DOCK4: variants seen among roughly 807,000 people sequenced by gnomAD.
DOCK4 encodes the protein dedicator of cytokinesis 4.
A neutral mutation model predicts 268.1 loss-of-function variants in DOCK4; 97 were observed. That is an observed-to-expected ratio of 0.36 (90% CI 0.31 to 0.43). DOCK4 has a LOEUF of 0.43. Ranked by LOEUF, DOCK4 falls within the 20% of genes least tolerant of loss-of-function variation. The probability of loss-of-function intolerance (pLI) is 1.00; values close to 1 mark genes in which losing one functional copy is unlikely to be tolerated. For synonymous variants in DOCK4, 954 were observed against 887.2 expected (o/e 1.08, Z -1.34); for missense variants, 2,145 against 2,455.7 (o/e 0.87, Z 2.67).
chr7:112,082,699 C>T (rs1009955125), intron 1 of DOCK4, among the ~76,000 whole-genome samples: 2 of 151,944 alleles, frequency 1.3e-5, no homozygotes, highest in African/African-American at 2.4e-5. Context: ...TTACACTTAA[C>T]GATTTAAGGC....
In DOCK4 at chr7:111,727,566, A is replaced by T. The variant is rs897418064; in HGVS notation, c.*708T>A. On this transcript the variant is annotated 3_prime_UTR_variant, in exon 53 of 53. Coordinates refer to ENST00000428084, the MANE Select transcript of DOCK4 (RefSeq NM_001363540.2). ...TGGAGCCTCTTGCTTAATCTAGCTGATTGGAACTCTGAAGCAAATTGCACC... is the reference window on the plus strand; with the variant it reads ...TGGAGCCTCTTGCTTAATCTAGCTGTTTGGAACTCTGAAGCAAATTGCACC... 1 of 152,620 alleles carries T rather than the reference A, an allele frequency of 6.6e-6. No homozygotes were observed. Among genetic ancestry groups the T allele is most frequent in the African/African-American group, 2.4e-5 (1 of 41,446 alleles). The allele number at this position is 152,620 out of a possible 1,614,324, so 9.5% of individuals were successfully genotyped here. A position where few individuals can be genotyped will look rare whatever the true frequency, so the allele number is the denominator to read the frequency against.
At chr7:112,107,335 A>G (rs1056299260) in intron 1 of DOCK4, among the ~76,000 whole-genome samples, 2 of 152,200 alleles carry the variant, frequency 1.3e-5, no homozygotes, top group African/African-American at 4.8e-5. Flanking sequence ...GGTCACATGG[A>G]TGGCATGCCC....
chr7:111,854,118 G>A (rs1804812135), intron 23 of DOCK4, among the ~76,000 whole-genome samples: 2 of 151,872 alleles, frequency 1.3e-5, no homozygotes, highest in Admixed American at 1.3e-4. Context: ...TTTAGTAAGG[G>A]AGGAGACCAC....
intron 23 of DOCK4, among the ~76,000 whole-genome samples, chr7:111,859,562 A>ATTTTTTTTTTTTT (rs140285833): frequency 9.8e-6 from 1 of 102,178 alleles, no homozygotes. Context: ...GTGTGTGTTA[A>ATTTTTTTTTTTTT]TTTTTTTTTT....
chr7:112,096,382 T>C lies in DOCK4; in HGVS notation c.38-92251A>G, dbSNP rs117080705. ...CTTTTTGGTAGATGTGGGGTTTCAC[T>C]TTGTTGCACAGGCTGGTCTCCAACT... On this transcript the variant is annotated intron_variant, in intron 1 of 52. Transcript: ENST00000428084. Among the ~76,000 whole-genome samples the C allele has an allele frequency of 2.7e-3, 418 of 152,198 alleles. 3 individuals are homozygous for C. The highest frequency in any genetic ancestry group is 6.8e-3 in the Middle Eastern group (2 of 294).
chr7:112,120,128 T>C (rs1482659625), intron 1 of DOCK4, among the ~76,000 whole-genome samples: 2 of 152,186 alleles, frequency 1.3e-5, no homozygotes, highest in Non-Finnish European at 2.9e-5. Flanking sequence ...ATTACAAGAT[T>C]GCTCTTTTTA....
intron 1 of DOCK4, among the ~76,000 whole-genome samples, chr7:112,203,899 C>T (rs1026028113): frequency 3.3e-5 from 5 of 151,572 alleles, no homozygotes; most frequent in African/African-American, 1.2e-4. Flanking sequence ...AACAGCTAAG[C>T]ATTCCACAAT....
intron 25 of DOCK4, among the ~76,000 whole-genome samples, chr7:111,843,542 T>A (rs183014767): frequency 2.3e-4 from 35 of 152,276 alleles, no homozygotes; most frequent in Admixed American, 1.6e-3. Flanking sequence ...GCTATCAGAA[T>A]GCTCTCCACT....
chr7:112,115,613 C>G (rs552340525), intron 1 of DOCK4, among the ~76,000 whole-genome samples: 1 of 149,984 alleles, frequency 6.7e-6, no homozygotes, highest in Non-Finnish European at 1.5e-5. Context: ...CCAACATATG[C>G]CATCTATCAA....
chr7:112,131,059 A>G (rs1172174535), intron 1 of DOCK4, among the ~76,000 whole-genome samples: 1 of 152,226 alleles, frequency 6.6e-6, no homozygotes, highest in Non-Finnish European at 1.5e-5. Flanking sequence ...CGTGACATAA[A>G]GGAAATGGCC....
intron 1 of DOCK4, among the ~76,000 whole-genome samples, chr7:112,039,621 T>A (rs1284582498): frequency 6.6e-6 from 1 of 152,114 alleles, no homozygotes; most frequent in African/African-American, 2.4e-5. Context: ...TACCTAGGTA[T>A]ATGGGCTAGA....
intron 26 of DOCK4, 104 bp downstream of exon 26, chr7:111,834,484 G>C: frequency 2.2e-6 from 2 of 893,070 alleles, no homozygotes; most frequent in Non-Finnish European, 3.4e-6. Context: ...GAACTTAATG[G>C]AAACAGGTAA....
At chr7:112,056,123 G>A (rs754264183) in intron 1 of DOCK4, among the ~76,000 whole-genome samples, 23 of 152,072 alleles carry the variant, frequency 1.5e-4, no homozygotes, top group African/African-American at 4.3e-4. Flanking sequence ...AAAGGGATAC[G>A]GCAGGTGATG....
intron 7 of DOCK4, among the ~76,000 whole-genome samples, chr7:111,978,334 C>T (rs1002087831): frequency 2.6e-5 from 4 of 152,164 alleles, no homozygotes; most frequent in Non-Finnish European, 2.9e-5. Flanking sequence ...CAGGCTCAAG[C>T]GATCCTCCTG....
At chr7:112,197,998 T>G (rs1293497702) in intron 1 of DOCK4, among the ~76,000 whole-genome samples, 2 of 148,918 alleles carry the variant, frequency 1.3e-5, no homozygotes, top group Non-Finnish European at 3.0e-5. Flanking sequence ...AAAAGTTGGT[T>G]CTTTTGTTGA....
At chr7:112,194,663 T>C (rs1480669699) in intron 1 of DOCK4, among the ~76,000 whole-genome samples, 2 of 152,228 alleles carry the variant, frequency 1.3e-5, no homozygotes, top group Non-Finnish European at 2.9e-5. Context: ...ACTTACATAA[T>C]GATTTTCTGA....
At chr7:111,803,080 T>C (rs1298414089) in intron 30 of DOCK4, among the ~76,000 whole-genome samples, 1 of 152,244 alleles carries the variant, frequency 6.6e-6, no homozygotes, top group Non-Finnish European at 1.5e-5. Context: ...AAACATGTCA[T>C]GTATAGCTGG....
intron 30 of DOCK4, among the ~76,000 whole-genome samples, chr7:111,794,806 A>G (rs1164550766): frequency 6.6e-6 from 1 of 152,300 alleles, no homozygotes; most frequent in East Asian, 1.9e-4. Flanking sequence ...TGGCTCTACA[A>G]TGAATTCTTA....
chr7:111,808,735 C>T (rs1800854899), intron 30 of DOCK4, 86 bp downstream of exon 30: 2 of 1,383,110 alleles, frequency 1.4e-6, no homozygotes, highest in Non-Finnish European at 1.0e-6. Flanking sequence ...CATGGTGTCA[C>T]TGGTAAATTG....
Sources: allele counts gnomAD v4.1 joint callset (sites outside exome capture counted in the v4.1 genomes callset), GRCh38; gene constraint gnomAD v4.1.1; transcripts MANE v1.5; gene names NCBI Gene and HGNC (gene_info 2026-07-23, HGNC 2026-07-21).